Variants in PCDH11X observed in about 807,000 individuals in gnomAD.
PCDH11X encodes the protein protocadherin 11 X-linked, also known as protocadherin-11 X-linked.
A neutral mutation model predicts 53.3 loss-of-function variants in PCDH11X; 18 were observed. That is an observed-to-expected ratio of 0.34 (90% CI 0.23 to 0.50). PCDH11X has a LOEUF of 0.50. PCDH11X is among the 20% of genes least tolerant of loss of function. The pLI is 0.98. For synonymous variants in PCDH11X, 279 were observed against 393.3 expected, an observed-to-expected ratio of 0.71 and a Z score of 3.44; for missense variants, 570 against 1,032.4, an observed-to-expected ratio of 0.55 and a Z score of 6.14.
chrX:92,106,885 G>C (rs1229127544), intron 6 of PCDH11X, among the ~76,000 whole-genome samples: 1 of 111,302 alleles, frequency 9.0e-6, no homozygotes, highest in East Asian at 2.8e-4. Context: ...AAGAGGGGAA[G>C]GCACATGCCT....
chrX:92,554,815 G>T (rs2557223), intron 10 of PCDH11X, among the ~76,000 whole-genome samples: 2 of 110,789 alleles, frequency 1.8e-5, no homozygotes, highest in Non-Finnish European at 3.8e-5. Flanking sequence ...ACTAAGAAGG[G>T]TCCTGCAAAG....
intron 7 of PCDH11X, among the ~76,000 whole-genome samples, chrX:92,224,618 C>T (rs1304832573): frequency 9.0e-6 from 1 of 111,512 alleles, no homozygotes; most frequent in Non-Finnish European, 1.9e-5. Context: ...ACTTCTGTTT[C>T]CTGTGTCTCA....
chrX:92,359,960 C>T (rs2070305700), intron 8 of PCDH11X, among the ~76,000 whole-genome samples: 1 of 110,703 alleles, frequency 9.0e-6, no homozygotes, highest in Non-Finnish European at 1.9e-5. Context: ...TCTGTAACAG[C>T]AAACAAATCT....
At chrX:92,443,293 T>C (rs1414559036) in intron 9 of PCDH11X, among the ~76,000 whole-genome samples, 1 of 111,760 alleles carries the variant, frequency 8.9e-6, no homozygotes, top group African/African-American at 3.3e-5. Context: ...CCTGTATGTC[T>C]TCTTAAGAGA....
At chrX:92,384,116 T>G (rs2148568820) in intron 8 of PCDH11X, among the ~76,000 whole-genome samples, 1 of 112,034 alleles carries the variant, frequency 8.9e-6, no homozygotes, top group East Asian at 2.8e-4. Flanking sequence ...GCCGCATAAA[T>G]GTCTTCTTTT....
At chrX:92,520,265 T>G (rs1053488020) in intron 10 of PCDH11X, among the ~76,000 whole-genome samples, 3 of 108,916 alleles carry the variant, frequency 2.8e-5, no homozygotes, top group Non-Finnish European at 5.7e-5. Context: ...ATAAAAATTG[T>G]GTTTACATTA....
intron 6 of PCDH11X, among the ~76,000 whole-genome samples, chrX:91,941,142 G>T (rs1306164832): frequency 2.7e-5 from 3 of 110,750 alleles, no homozygotes; most frequent in Non-Finnish European, 5.7e-5. Flanking sequence ...AGAGAAAGAA[G>T]AAAACAGGAA....
chrX:92,407,803 C>T (rs1417428471), intron 9 of PCDH11X, among the ~76,000 whole-genome samples: 1 of 110,877 alleles, frequency 9.0e-6, no homozygotes, highest in Non-Finnish European at 1.9e-5. Context: ...TTTATAATCC[C>T]ACTAAGTGTG....
rs1470994473 is a variant in PCDH11X at position 91,908,924 on chromosome X, A to G, written c.3033+29651A>G. ...TCAGTCACTGTGGAAGACAGTGTGG[A>G]AATTCCTCAAAGACCCAAAGACAGA... is the stretch of plus-strand genomic sequence containing the variant. On this transcript the variant is annotated intron_variant, in intron 6 of 10. Transcript: ENST00000682573. 5.5e-5 allele frequency among the ~76,000 whole-genome samples: 6 copies of G among 109,651 alleles called. 1 individual carries two copies. The highest frequency in any genetic ancestry group is 3.9e-4 in the Admixed American group (4 of 10,250).
chrX:92,497,518 C>A lies in PCDH11X; in HGVS notation c.3367+29196C>A, dbSNP rs1436846073. Among the ~76,000 whole-genome samples, 3 of 109,462 alleles carry A rather than the reference C, an allele frequency of 2.7e-5. No individual in the cohort carries two copies. In the East Asian group the frequency reaches 8.7e-4, roughly 32 times the overall value. Reference sequence around the variant, plus strand: ...TCCTCACAAATAGCAACATGCTTGGCACATGCAATCAATGTTTGTTGAATT... The same window carrying A: ...TCCTCACAAATAGCAACATGCTTGGAACATGCAATCAATGTTTGTTGAATT... On this transcript the variant is annotated intron_variant, in intron 10 of 10. Transcript: ENST00000682573.
At chrX:91,996,009 T>G (rs2062413349) in intron 6 of PCDH11X, among the ~76,000 whole-genome samples, 1 of 106,463 alleles carries the variant, frequency 9.4e-6, no homozygotes, top group Non-Finnish European at 1.9e-5. Flanking sequence ...CCTGGCTAAT[T>G]TTTTGTATTT....
chrX:92,070,806 G>T lies in PCDH11X; in HGVS notation c.3034-130569G>T, dbSNP rs1342407107. 6.3e-5 allele frequency among the ~76,000 whole-genome samples: 7 copies of T among 110,301 alleles called. No homozygotes were observed. The Admixed American group carries it at 6.8e-4, about 11-fold the overall frequency. ...TCTTTAAGGCCAGTAACTCTTTTTT[G>T]TTGTTGTTTTTGAGATGGAGTCTTG... On this transcript the variant is annotated intron_variant, in intron 6 of 10. Coordinates refer to ENST00000682573, the MANE Select transcript of PCDH11X (RefSeq NM_032968.5).
chrX:91,967,343 G>T (rs2061881190), intron 6 of PCDH11X, among the ~76,000 whole-genome samples: 1 of 110,329 alleles, frequency 9.1e-6, no homozygotes, highest in Admixed American at 9.7e-5. Context: ...GGTGAGCAGT[G>T]GCAAGCGCGC....
intron 8 of PCDH11X, among the ~76,000 whole-genome samples, chrX:92,275,388 A>G (rs1352246664): frequency 1.8e-5 from 2 of 108,306 alleles, no homozygotes; most frequent in Non-Finnish European, 3.8e-5. Context: ...ACAGGTGAGG[A>G]TAAAATTTGG....
chrX:92,105,590 G>A (rs777849550), intron 6 of PCDH11X, among the ~76,000 whole-genome samples: 74 of 107,624 alleles, frequency 6.9e-4, no homozygotes, highest in Non-Finnish European at 1.3e-3. Context: ...GTAGGTAAAG[G>A]AAAATTACAG....
intron 8 of PCDH11X, among the ~76,000 whole-genome samples, chrX:92,375,907 C>T (rs1479105757): frequency 5.4e-5 from 6 of 112,098 alleles, no homozygotes; most frequent in African/African-American, 1.9e-4. Flanking sequence ...TAGGCGTGAG[C>T]CACCGTGCCT....
intron 6 of PCDH11X, among the ~76,000 whole-genome samples, chrX:92,093,431 G>A (rs1184046979): frequency 9.0e-6 from 1 of 111,603 alleles, no homozygotes; most frequent in Non-Finnish European, 1.9e-5. Context: ...TCTACAGCTT[G>A]AACTATAGAA....
chrX:92,502,713 A>C (rs2073981970), intron 10 of PCDH11X, among the ~76,000 whole-genome samples: 1 of 111,291 alleles, frequency 9.0e-6, no homozygotes, highest in African/African-American at 3.3e-5. Flanking sequence ...TATAAAAGTT[A>C]AGATGGATTA....
chrX:92,141,091 G>C (rs2065171975), intron 6 of PCDH11X, among the ~76,000 whole-genome samples: 1 of 111,514 alleles, frequency 9.0e-6, no homozygotes, highest in South Asian at 3.7e-4. Flanking sequence ...ATTATTTAAA[G>C]AAGGGGAAAC....
Sources: gnomAD v4.1 joint callset for allele counts (sites outside exome capture counted in the v4.1 genomes callset) on GRCh38, gnomAD v4.1.1 for gene constraint, MANE v1.5 for transcripts, NCBI Gene and HGNC (gene_info 2026-07-23, HGNC 2026-07-21) for gene names.